PLD1: variants seen among roughly 807,000 people sequenced by gnomAD.
PLD1 encodes the protein choline phosphatase 1.
A neutral mutation model predicts 137.1 loss-of-function variants in PLD1; 112 were observed. The ratio of observed to expected loss-of-function variants is 0.82; its 90% CI spans 0.70 to 0.96. PLD1 has a LOEUF of 0.96. Ranked by LOEUF, PLD1 falls within the 40% of genes least tolerant of loss-of-function variation. PLD1 has a pLI of 0.00. For missense variants in PLD1, 1,321 were observed against 1,342.0 expected (o/e 0.98, Z 0.24); for synonymous variants, 431 against 454.7 (o/e 0.95, Z 0.66).
intron 9 of PLD1, among the ~76,000 whole-genome samples, chr3:171,712,276 C>T (rs968766393): frequency 2.0e-5 from 3 of 152,140 alleles, no homozygotes; most frequent in Non-Finnish European, 4.4e-5. Flanking sequence ...GCATCCCCAT[C>T]GCGTGTGGTG....
intron 11 of PLD1, among the ~76,000 whole-genome samples, chr3:171,704,558 T>C (rs1716526183): frequency 6.6e-6 from 1 of 151,062 alleles, no homozygotes. Context: ...CTTAAGGCTA[T>C]GTCAGATATT....
rs1453409967 is a variant in PLD1, at chr3:171,688,862, C to T, written c.1353G>A (p.Pro451=). The stretch of plus-strand genomic sequence containing the variant: ...AATAGACGGTGGATGACACATGATC[C>T]GGGTGTCTCATCACCTTGAGAGGGA... ...LHPNIKVMRH[P]DHVSSTVYLW... The change falls in exon 14 of 27, where the codon CCG becomes CCA. Residue 451 remains proline (P), a synonymous_variant. Coordinates refer to ENST00000351298, the MANE Select transcript of PLD1 (RefSeq NM_002662.5). 1.2e-5 allele frequency: 19 copies of T among 1,613,440 alleles called. No homozygotes were observed. Among genetic ancestry groups the T allele is most frequent in the Middle Eastern group, 1.7e-4 (1 of 6,052 alleles).
intron 8 of PLD1, among the ~76,000 whole-genome samples, chr3:171,720,247 T>A (rs190786021): frequency 1.5e-5 from 2 of 130,744 alleles, no homozygotes; most frequent in African/African-American, 3.1e-5. Flanking sequence ...TGAGCCGAGA[T>A]CATACCACTG....
chr3:171,687,515 T>C lies in PLD1; in HGVS notation c.1609A>G (p.Ile537Val). Residue 537 changes from isoleucine to valine, a missense_variant, in exon 15 of 27, where the codon ATC becomes GTC. Transcript: ENST00000351298. ...DKNEPVQNLP[I>V]QKSIDDVDSK... ...TCCACATCATCAATACTCTTCTGGA[T>C]GGGTAGGTTTTGAACAGGCTCATTT... 1 of 1,614,068 alleles carries C rather than the reference T, an allele frequency of 6.2e-7. No homozygotes were observed. The highest frequency in any genetic ancestry group is 8.5e-7 in the Non-Finnish European group (1 of 1,179,932).
At chr3:171,758,872 A>G (rs933957845) in intron 1 of PLD1, among the ~76,000 whole-genome samples, 6 of 152,226 alleles carry the variant, frequency 3.9e-5, no homozygotes, top group African/African-American at 7.2e-5. Context: ...GAGTGTATCT[A>G]TCATTCTACT....
intron 16 of PLD1, among the ~76,000 whole-genome samples, chr3:171,681,267 A>G (rs1179851148): frequency 6.6e-6 from 1 of 152,228 alleles, no homozygotes; most frequent in Non-Finnish European, 1.5e-5. Flanking sequence ...CCTACATTCC[A>G]GGTATTTCCT....
At chr3:171,739,219 GC>G (rs778733044) in intron 1 of PLD1, among the ~76,000 whole-genome samples, 1 of 152,178 alleles carries the variant, frequency 6.6e-6, no homozygotes, top group Non-Finnish European at 1.5e-5. Flanking sequence ...GGTCTCTCCT[GC>G]AGGTGCTATC....
chr3:171,704,457 G>GAA (rs1362665761), intron 11 of PLD1, among the ~76,000 whole-genome samples: 4 of 98,174 alleles, frequency 4.1e-5, no homozygotes, highest in African/African-American at 1.8e-4. Flanking sequence ...CAAAGAACCA[G>GAA]GAAAAAAAAA....
chr3:171,786,544 TAGAC>T (rs923299438), intron 1 of PLD1, among the ~76,000 whole-genome samples: 3 of 152,162 alleles, frequency 2.0e-5, no homozygotes, highest in South Asian at 2.1e-4. Flanking sequence ...CTCAAAGAAT[TAGAC>T]AGAATAAAGA....
At chr3:171,623,438 C>T (rs982972838) in intron 23 of PLD1, among the ~76,000 whole-genome samples, 3 of 151,324 alleles carry the variant, frequency 2.0e-5, no homozygotes, top group Admixed American at 6.6e-5. Flanking sequence ...CTTCAGCCTC[C>T]CAAGTAGCTG....
chr3:171,696,262 T>C (rs1715680851), intron 12 of PLD1, among the ~76,000 whole-genome samples: 1 of 152,204 alleles, frequency 6.6e-6, no homozygotes, highest in African/African-American at 2.4e-5. Context: ...CCTCTTAGCA[T>C]AGCAAGTGCA....
At chr3:171,721,812 T>TC (rs1249059971) in intron 8 of PLD1, among the ~76,000 whole-genome samples, 1 of 152,070 alleles carries the variant, frequency 6.6e-6, no homozygotes, top group African/African-American at 2.4e-5. Context: ...AAAACTTTTT[T>TC]CCCTTACAAA....
chr3:171,628,308 C>T (rs987554684), intron 23 of PLD1, among the ~76,000 whole-genome samples: 8 of 152,038 alleles, frequency 5.3e-5, no homozygotes, highest in African/African-American at 1.9e-4. Flanking sequence ...AAGACTAAAC[C>T]AGGAAGAAGT....
At chr3:171,728,809 T>C (rs1231448436) in intron 6 of PLD1, among the ~76,000 whole-genome samples, 1 of 152,190 alleles carries the variant, frequency 6.6e-6, no homozygotes, top group Non-Finnish European at 1.5e-5. Context: ...CTCAGCTAAG[T>C]AGACACATTA....
intron 25 of PLD1, among the ~76,000 whole-genome samples, chr3:171,607,165 T>G (rs1322239049): frequency 6.6e-6 from 1 of 152,158 alleles, no homozygotes; most frequent in Non-Finnish European, 1.5e-5. Flanking sequence ...TCAAATAATG[T>G]GCCTCCTTCA....
chr3:171,611,377 G>T, intron 25 of PLD1: 1 of 280,958 alleles, frequency 3.6e-6, no homozygotes, highest in Non-Finnish European at 7.3e-6. Context: ...ACAGTAGTGA[G>T]CAGAGAAGCA....
rs9819927 is a variant in PLD1 at position 171,737,907 on chromosome 3, G to C, written c.145C>G (p.Pro49Ala). The C allele has an allele frequency of 2.5e-3, 4,072 of 1,613,416 alleles. 22 individuals carry two copies. The highest frequency in any genetic ancestry group is 0.019 in the African/African-American group (1,432 of 74,884). ...EVDYDVSPSDPKIQEVYIPFS... is the reference protein window; with the variant it reads ...EVDYDVSPSDAKIQEVYIPFS... ...CCGTCTTTACCTTCTTGTATCTTGG[G>C]ATCGCTGGGAGACACGTCGTAGTCT... is the stretch of plus-strand genomic sequence containing the variant. The change falls in exon 2 of 27, where the codon CCC becomes GCC. Residue 49 changes from proline (P) to alanine (A), a missense_variant. Coordinates refer to ENST00000351298, the MANE Select transcript of PLD1 (RefSeq NM_002662.5).
intron 21 of PLD1, among the ~76,000 whole-genome samples, chr3:171,652,674 G>A (rs1050054449): frequency 4.0e-5 from 6 of 150,508 alleles, no homozygotes; most frequent in East Asian, 2.0e-4. Context: ...CAATCATGGC[G>A]CACTGCAGCC....
intron 26 of PLD1, 62 bp downstream of exon 26, chr3:171,605,237 A>G: frequency 2.1e-6 from 2 of 948,654 alleles, no homozygotes; most frequent in South Asian, 1.3e-5. Flanking sequence ...AGAAATAACA[A>G]TATGCTTTTT....
Sources: gnomAD v4.1 joint callset for allele counts (sites outside exome capture counted in the v4.1 genomes callset) on GRCh38, gnomAD v4.1.1 for gene constraint, MANE v1.5 for transcripts, NCBI Gene and HGNC (gene_info 2026-07-23, HGNC 2026-07-21) for gene names.